The following NAV1 variants were observed in gnomAD, a reference collection of about 807,000 sequenced individuals.
NAV1 encodes the protein neuron navigator 1.
A neutral mutation model predicts 175.2 loss-of-function variants in NAV1; 18 were observed. The observed-to-expected ratio is 0.10, with a 90% confidence interval of 0.07 to 0.15. The LOEUF (loss-of-function observed/expected upper bound fraction) is 0.15. NAV1 is among the 10% of genes least tolerant of loss of function. The pLI, the probability that NAV1 is intolerant of heterozygous loss-of-function variation, is 1.00. For missense variants in NAV1, 1,731 were observed against 2,436.6 expected (o/e 0.71, Z 6.10); for synonymous variants, 897 against 978.7 (o/e 0.92, Z 1.56).
intron 1 of NAV1, among the ~76,000 whole-genome samples, chr1:201,683,363 A>C (rs1479767990): frequency 6.6e-6 from 1 of 152,078 alleles, no homozygotes; most frequent in Non-Finnish European, 1.5e-5. Flanking sequence ...GGTTTCATGG[A>C]ATACAATTTT....
intron 1 of NAV1, among the ~76,000 whole-genome samples, chr1:201,668,640 C>T (rs1248810314): frequency 6.6e-6 from 1 of 152,152 alleles, no homozygotes; most frequent in African/African-American, 2.4e-5. Context: ...CAGCCCCCCA[C>T]CCCACTGCTT....
intron 15 of NAV1, chr1:201,795,013 C>A (rs1362308706): frequency 6.4e-6 from 1 of 156,972 alleles, no homozygotes; most frequent in Non-Finnish European, 1.4e-5. Context: ...GGCAAGTTAG[C>A]CTGGACGTTT....
chr1:201,626,584 C>T (rs1668336071), intron 1 of NAV1, among the ~76,000 whole-genome samples: 1 of 152,194 alleles, frequency 6.6e-6, no homozygotes, highest in Non-Finnish European at 1.5e-5. Context: ...CATCTAATTC[C>T]ATCACATCCT....
intron 1 of NAV1, among the ~76,000 whole-genome samples, chr1:201,667,597 G>C (rs1190267060): frequency 6.6e-6 from 1 of 152,170 alleles, no homozygotes; most frequent in Non-Finnish European, 1.5e-5. Context: ...AGTGGACCCG[G>C]GGAGGAGGAG....
chr1:201,812,670 G>A lies in NAV1; in HGVS notation c.5221+9G>A. On this transcript the variant is annotated intron_variant, in intron 27 of 29. Transcript: ENST00000367296. The surrounding 1 kb of genome is among the most constrained non-coding windows in gnomAD (Gnocchi z 4.6). ...CTCAGACTTCCTCATCGGTACTGGGGTCCAGCTTCCCCCGGGGGTCAGGAG... is the reference window on the plus strand; with the variant it reads ...CTCAGACTTCCTCATCGGTACTGGGATCCAGCTTCCCCCGGGGGTCAGGAG... The A allele has an allele frequency of 6.2e-7, 1 of 1,610,958 alleles. No homozygotes were observed. Among genetic ancestry groups the A allele is most frequent in the South Asian group, 1.1e-5 (1 of 90,986 alleles).
In NAV1 at chr1:201,763,617, T is replaced by C. The variant is rs528748501; in HGVS notation, c.1227-16804T>C. ...AGCATTCCTCACCCACAGTTGGTCC[T>C]AATTAAGGAGACTCCCGTTAAACAG... On this transcript the variant is annotated intron_variant, in intron 3 of 29. Coordinates refer to ENST00000367296, the Ensembl canonical transcript of NAV1. Among the ~76,000 whole-genome samples the C allele has an allele frequency of 2.8e-4, 42 of 152,338 alleles. No individual in the cohort carries two copies. The East Asian group carries it at 7.9e-3, about 29-fold the overall frequency.
chr1:201,790,522 C>G (rs1046115267), intron 11 of NAV1, 32 bp from the exon 16 acceptor site: 8 of 1,613,714 alleles, frequency 5.0e-6, no homozygotes, highest in Middle Eastern at 1.7e-4. Flanking sequence ...TCCTTTCTCT[C>G]TCTTTCTCTC....
intron 13 of NAV1, chr1:201,793,525 T>C (rs1232780034): frequency 6.9e-6 from 3 of 434,674 alleles, no homozygotes; most frequent in Non-Finnish European, 1.3e-5. Context: ...TGATAGGTTT[T>C]AGATCTCAAG....
At chr1:201,633,223 A>G (rs960980595) in intron 2 of NAV1, among the ~76,000 whole-genome samples, 5 of 152,226 alleles carry the variant, frequency 3.3e-5, no homozygotes, top group African/African-American at 1.2e-4. Flanking sequence ...CTTAAACACT[A>G]AAAAGAACTA....
chr1:201,550,049 G>A (rs991696604), intron 1 of NAV1, among the ~76,000 whole-genome samples: 33 of 139,604 alleles, frequency 2.4e-4, no homozygotes, highest in Admixed American at 1.1e-3. Flanking sequence ...CTGGGTGCCC[G>A]CCGGGCATGC....
rs557515532 is a variant in NAV1 at position 201,807,857 on chromosome 1, C to A, written c.3649-96C>A. 12 of 1,212,514 alleles carry A rather than the reference C, an allele frequency of 9.9e-6. No individual in the cohort carries two copies. The South Asian group carries it at 1.5e-4, about 15-fold the overall frequency. 75.1% of individuals were successfully genotyped at this position (1,212,514 alleles called of 1,614,324 possible). On this transcript the variant is annotated intron_variant, in intron 17 of 29. Transcript: ENST00000367296. This position sits in a 1 kb window ranked among gnomAD's most constrained non-coding sequence, Gnocchi z 5.4. ...GGCTTAATTAAAGTAAATCCCCCGC[C>A]TCCAGCTCTCTCTGTCTCAGAAGTC...
At chr1:201,551,582 T>C (rs568167956) in intron 1 of NAV1, among the ~76,000 whole-genome samples, 1 of 152,334 alleles carries the variant, frequency 6.6e-6, no homozygotes, top group African/African-American at 2.4e-5. Flanking sequence ...ATGTCTGTTA[T>C]ACAAATGCAG....
rs1354978261 is a variant in NAV1 at position 201,812,037 on chromosome 1, T to C, written c.5024+63T>C. 2.7e-6 allele frequency: 4 copies of C among 1,458,128 alleles called. No individual in the cohort carries two copies. The highest frequency in any genetic ancestry group is 2.3e-5 in the East Asian group (1 of 44,122). 90.3% of individuals were successfully genotyped at this position (1,458,128 alleles called of 1,614,324 possible). A position where few individuals can be genotyped will look rare whatever the true frequency, so the allele number is the denominator to read the frequency against. On this transcript the variant is annotated intron_variant, in intron 26 of 29. Coordinates refer to ENST00000367296, the Ensembl canonical transcript of NAV1. This position sits in a 1 kb window ranked among gnomAD's most constrained non-coding sequence, Gnocchi z 4.6. ...CCCAAGAGTCTTCAATCCTGGACTC[T>C]GGCCAGGAGGCAGTAGATAGGAGAA... is the stretch of plus-strand genomic sequence containing the variant.
intron 1 of NAV1, among the ~76,000 whole-genome samples, chr1:201,676,310 C>T (rs574687934): frequency 2.0e-5 from 3 of 152,326 alleles, no homozygotes; most frequent in African/African-American, 7.2e-5. Context: ...TTCCTGAAAG[C>T]TGCACTTATT....
chr1:201,549,879 T>C (rs12760430), intron 1 of NAV1, among the ~76,000 whole-genome samples: 99,481 of 150,508 alleles, frequency 0.66, 33,369 homozygotes, highest in Middle Eastern at 0.76. Context: ...GGTGTGGTGG[T>C]GGGCACCTGT....
At position 201,740,069 on chromosome 1, in the gene NAV1, C is replaced by T; in HGVS notation, c.1226+21314C>T. 6.7e-7 allele frequency: 1 copy of T among 1,489,658 alleles called. No homozygotes were observed. Among genetic ancestry groups the T allele is most frequent in the South Asian group, 1.3e-5 (1 of 75,638 alleles). 92.3% of individuals were successfully genotyped at this position (1,489,658 alleles called of 1,614,324 possible). A position where few individuals can be genotyped will look rare whatever the true frequency, so the allele number is the denominator to read the frequency against. The stretch of plus-strand genomic sequence containing the variant: ...CAGATCCGGAAGAACGGTGAATTTC[C>T]CCCGCAGGTAAGCGCCCCCACCCCC... On this transcript the variant is annotated intron_variant, in intron 3 of 29. Coordinates refer to ENST00000367296, the Ensembl canonical transcript of NAV1. The surrounding 1 kb of genome is among the most constrained non-coding windows in gnomAD (Gnocchi z 4.7).
chr1:201,747,660 A>T (rs1489335055), intron 3 of NAV1, among the ~76,000 whole-genome samples: 2 of 152,022 alleles, frequency 1.3e-5, no homozygotes, highest in Middle Eastern at 3.2e-3. Flanking sequence ...TGGATGCCTC[A>T]CTCTTGTCTG....
intron 1 of NAV1, among the ~76,000 whole-genome samples, chr1:201,668,939 G>A (rs566927581): frequency 3.1e-4 from 47 of 152,224 alleles, no homozygotes; most frequent in Non-Finnish European, 6.2e-4. Context: ...AAACAGCATC[G>A]GGTCCTTGGA....
chr1:201,562,283 G>C (rs986144652), intron 1 of NAV1, among the ~76,000 whole-genome samples: 1 of 150,502 alleles, frequency 6.6e-6, no homozygotes, highest in Non-Finnish European at 1.5e-5. Flanking sequence ...AGCCCCAAAA[G>C]TGCTGGAATT....
Sources: allele counts gnomAD v4.1 joint callset (sites outside exome capture counted in the v4.1 genomes callset), GRCh38; gene constraint gnomAD v4.1.1; non-coding constraint Gnocchi (gnomAD v3.1); transcripts MANE v1.5; gene names NCBI Gene and HGNC (gene_info 2026-07-23, HGNC 2026-07-21).